The following RFTN1 variants were observed in gnomAD, a reference collection of about 807,000 sequenced individuals.
The protein encoded by RFTN1 is raftlin, lipid raft linker 1.
Under a neutral mutation model 46.5 loss-of-function variants are expected in RFTN1, and 26 were observed. The observed-to-expected ratio is 0.56, with a 90% CI of 0.41 to 0.78. The LOEUF is 0.78. Among genes scored for constraint, RFTN1 ranks in the 30% least tolerant of loss-of-function variants. RFTN1 has a pLI of 0.00. For synonymous variants in RFTN1, 261 were observed against 284.2 expected, an observed-to-expected ratio of 0.92 and a Z score of 0.82; for missense variants, 693 against 718.7, an observed-to-expected ratio of 0.96 and a Z score of 0.41.
chr3:16,454,872 C>T (rs2075878253), intron 2 of RFTN1: 2 of 663,898 alleles, frequency 3.0e-6, no homozygotes, highest in African/African-American at 2.0e-5. Context: ...TAGTCCATAA[C>T]TAGAATTCAA....
chr3:16,322,778 T>A lies in RFTN1; in HGVS notation c.1332+598A>T, dbSNP rs2069223391. Among the ~76,000 whole-genome samples, 1 of 152,086 alleles carries A rather than the reference T, an allele frequency of 6.6e-6. No homozygotes were observed. The highest frequency in any genetic ancestry group is 1.5e-5 in the Non-Finnish European group (1 of 68,002). ...TCTGTGCGACTGTTTCTAGGGTAGT[T>A]CAGAGTCCGGAGAGGGGGAAAAGGG... On this transcript the variant is annotated intron_variant, in intron 9 of 9. Transcript: ENST00000334133. This position sits in a 1 kb window ranked among gnomAD's most constrained non-coding sequence, Gnocchi z 6.2.
intron 2 of RFTN1, among the ~76,000 whole-genome samples, chr3:16,471,543 G>A (rs577433060): frequency 6.9e-4 from 105 of 152,316 alleles, no homozygotes; most frequent in African/African-American, 2.5e-3. Flanking sequence ...CTGTAAAGGA[G>A]GTCAGGGAGA....
intron 4 of RFTN1, among the ~76,000 whole-genome samples, chr3:16,388,350 G>A (rs1007765514): frequency 6.6e-6 from 1 of 152,120 alleles, no homozygotes; most frequent in Non-Finnish European, 1.5e-5. Context: ...AGTATTCCTT[G>A]GGCATTTATT....
At chr3:16,493,015 G>C (rs2076564366) in intron 2 of RFTN1, among the ~76,000 whole-genome samples, 1 of 152,236 alleles carries the variant, frequency 6.6e-6, no homozygotes, top group African/African-American at 2.4e-5. Context: ...GCAAAGCCAA[G>C]CCCAGATGAA....
chr3:16,326,870 C>T lies in RFTN1; in HGVS notation c.1153G>A (p.Glu385Lys), dbSNP rs763281134. The T allele has an allele frequency of 9.9e-6, 16 of 1,613,296 alleles. 1 individual carries two copies. The highest frequency in any genetic ancestry group is 5.0e-5 in the Admixed American group (3 of 59,966). The change falls in exon 8 of 10, where the codon GAA becomes AAA. Residue 385 changes from glutamate to lysine, a missense_variant. By Grantham distance (56) the Glu-to-Lys change is moderately conservative. Coordinates refer to ENST00000334133, the MANE Select transcript of RFTN1 (RefSeq NM_015150.2). ...VEQWTVLEGV[E>K]VQTDYVPLLN... Reference sequence around the variant, plus strand: ...AGGGGCACGTAGTCTGTCTGCACTTCGACACCCTGGGGGAACAAGGCCAGC... The same window carrying T: ...AGGGGCACGTAGTCTGTCTGCACTTTGACACCCTGGGGGAACAAGGCCAGC...
At chr3:16,377,665 A>T in intron 5 of RFTN1, 53 bp downstream of exon 5, 1 of 1,520,588 alleles carries the variant, frequency 6.6e-7, no homozygotes, top group Non-Finnish European at 8.8e-7. Flanking sequence ...ATTAATGAAA[A>T]GCTGTTAGCT....
chr3:16,318,922 C>G (rs1478390680), intron 9 of RFTN1, among the ~76,000 whole-genome samples: 1 of 152,208 alleles, frequency 6.6e-6, no homozygotes, highest in Non-Finnish European at 1.5e-5. Context: ...GTGTCTCAGA[C>G]CCACCTCCTA....
intron 7 of RFTN1, among the ~76,000 whole-genome samples, chr3:16,333,442 C>T (rs1575016949): frequency 6.6e-6 from 1 of 152,036 alleles, no homozygotes; most frequent in Non-Finnish European, 1.5e-5. Flanking sequence ...TTTGCAAATA[C>T]AGAATCTGAG....
rs114357172 is a variant in RFTN1 at position 16,466,030 on chromosome 3, G to A, written c.145+27695C>T. On this transcript the variant is annotated intron_variant, in intron 2 of 9. Coordinates refer to ENST00000334133, the MANE Select transcript of RFTN1 (RefSeq NM_015150.2). The surrounding 1 kb of genome is among the most constrained non-coding windows in gnomAD (Gnocchi z 5.6). ...ACTTAGCTCACATTTCTTTGAATGA[G>A]CCATTTAAATGCCCATCACTCCACA... 0.012 allele frequency among the ~76,000 whole-genome samples: 1,817 copies of A among 152,276 alleles called. 31 individuals are homozygous for A. Among genetic ancestry groups the A allele is most frequent in the African/African-American group, 0.034 (1,418 of 41,546 alleles).
chr3:16,502,201 T>C (rs940687039), intron 1 of RFTN1, among the ~76,000 whole-genome samples: 3 of 151,828 alleles, frequency 2.0e-5, no homozygotes, highest in African/African-American at 7.3e-5. Context: ...ACTCTGTCTC[T>C]ACAAAAAAAT....
intron 4 of RFTN1, among the ~76,000 whole-genome samples, chr3:16,394,850 TCAGGA>T (rs1174506681): frequency 6.6e-6 from 1 of 152,134 alleles, no homozygotes. Context: ...CACTTATGAC[TCAGGA>T]CAGAATTTCC....
At chr3:16,412,985 G>A (rs766900887) in intron 3 of RFTN1, among the ~76,000 whole-genome samples, 5 of 152,204 alleles carry the variant, frequency 3.3e-5, no homozygotes, top group Non-Finnish European at 7.3e-5. Flanking sequence ...TGATATTACA[G>A]CCTGATAAAA....
chr3:16,398,244 C>CAA lies in RFTN1; in HGVS notation c.441+11129_441+11130dup, dbSNP rs202032095. Among the ~76,000 whole-genome samples the CAA allele has an allele frequency of 9.8e-3, 1,088 of 110,586 alleles. 77 individuals are homozygous for CAA. The highest frequency in any genetic ancestry group is 0.017 in the Non-Finnish European group (800 of 47,722). The allele number at this position is 110,586 out of a possible 152,430, so 72.5% of individuals were successfully genotyped here. On this transcript the variant is annotated intron_variant, in intron 4 of 9. Coordinates refer to ENST00000334133, the MANE Select transcript of RFTN1 (RefSeq NM_015150.2). ...CCTGGGTGACAGAGAAAGACTGTCTCAAAAAAAAAAAAAAAAAAAAAAAAA... is the reference window on the plus strand; with the variant it reads ...CCTGGGTGACAGAGAAAGACTGTCTCAAAAAAAAAAAAAAAAAAAAAAAAAAA...
rs2076672476 is a variant in RFTN1 at position 16,499,284 on chromosome 3, G to A, written c.-8-5407C>T. Among the ~76,000 whole-genome samples, 1 of 152,182 alleles carries A rather than the reference G, an allele frequency of 6.6e-6. No individual in the cohort carries two copies. Among genetic ancestry groups the A allele is most frequent in the Non-Finnish European group, 1.5e-5 (1 of 68,028 alleles). ...TCTATGTCAATTACCCTGAATCTGG[G>A]CTCCAGGATGGCTTGACCAATAGAA... is the stretch of plus-strand genomic sequence containing the variant. On this transcript the variant is annotated intron_variant, in intron 1 of 9. Transcript: ENST00000334133. This position sits in a 1 kb window ranked among gnomAD's most constrained non-coding sequence, Gnocchi z 4.9.
In RFTN1 at chr3:16,319,837, G is replaced by A. The variant is rs563227151; in HGVS notation, c.1333-2605C>T. On this transcript the variant is annotated intron_variant, in intron 9 of 9. Coordinates refer to ENST00000334133, the MANE Select transcript of RFTN1 (RefSeq NM_015150.2). ...GCCAGATTTCAGTTGAGCCTCTGAG[G>A]TGAGCTCTGACATCCACACCACTTA... Among the ~76,000 whole-genome samples, 64 of 152,336 alleles carry A rather than the reference G, an allele frequency of 4.2e-4. 1 individual carries two copies. Among genetic ancestry groups the A allele is most frequent in the African/African-American group, 1.4e-3 (59 of 41,578 alleles).
Position 16,320,853 on chromosome 3 carries a change from T to C in RFTN1, c.1332+2523A>G, listed in dbSNP as rs1438857221. Among the ~76,000 whole-genome samples, 1 of 152,216 alleles carries C rather than the reference T, an allele frequency of 6.6e-6. No homozygotes were observed. Among genetic ancestry groups the C allele is most frequent in the African/African-American group, 2.4e-5 (1 of 41,450 alleles). ...ACAGTACTGATTTCCATCTTTGTCT[T>C]CAGAGTCATACAAAACTAGAACTCC... On this transcript the variant is annotated intron_variant, in intron 9 of 9. Coordinates refer to ENST00000334133, the MANE Select transcript of RFTN1 (RefSeq NM_015150.2). This position sits in a 1 kb window ranked among gnomAD's most constrained non-coding sequence, Gnocchi z 4.5.
rs1049129978 is a variant in RFTN1 at position 16,413,640 on chromosome 3, G to A, written c.333-4157C>T. ...AAACACAGAATGCATTTCTGGAGACGTACACAGGGTTAACTAACAGCAAAA... is the reference window on the plus strand; with the variant it reads ...AAACACAGAATGCATTTCTGGAGACATACACAGGGTTAACTAACAGCAAAA... On this transcript the variant is annotated intron_variant, in intron 3 of 9. Coordinates refer to ENST00000334133, the MANE Select transcript of RFTN1 (RefSeq NM_015150.2). This position sits in a 1 kb window ranked among gnomAD's most constrained non-coding sequence, Gnocchi z 4.7. 2.0e-5 allele frequency among the ~76,000 whole-genome samples: 3 copies of A among 152,124 alleles called. No homozygotes were observed. The highest frequency in any genetic ancestry group is 2.1e-4 in the South Asian group (1 of 4,822).
At chr3:16,441,152 C>G (rs2075614159) in intron 2 of RFTN1, among the ~76,000 whole-genome samples, 1 of 151,678 alleles carries the variant, frequency 6.6e-6, no homozygotes, top group Non-Finnish European at 1.5e-5. Flanking sequence ...TTACCAATAA[C>G]AGGCTTTTAT....
At chr3:16,393,422 T>A (rs1351129531) in intron 4 of RFTN1, among the ~76,000 whole-genome samples, 2 of 152,310 alleles carry the variant, frequency 1.3e-5, no homozygotes, top group Non-Finnish European at 2.9e-5. Flanking sequence ...ACACCACTTA[T>A]AAACACTCAT....
Sources: allele counts gnomAD v4.1 joint callset (sites outside exome capture counted in the v4.1 genomes callset), GRCh38; gene constraint gnomAD v4.1.1; non-coding constraint Gnocchi (gnomAD v3.1); transcripts MANE v1.5; gene names NCBI Gene and HGNC (gene_info 2026-07-23, HGNC 2026-07-21).